The following SLC38A6 variants were observed in gnomAD, a reference collection of about 807,000 sequenced individuals.
SLC38A6 encodes solute carrier family 38 member 6.
Under a neutral mutation model 65.0 loss-of-function variants are expected in SLC38A6, and 73 were observed. The ratio of observed to expected loss-of-function variants is 1.12; its 90% CI spans 0.93 to 1.37. SLC38A6 has a LOEUF of 1.37. SLC38A6 is among the 40% of genes most tolerant of loss of function. SLC38A6 has a pLI of 0.00. For synonymous variants in SLC38A6, 183 were observed against 178.8 expected (o/e 1.02, Z -0.19); for missense variants, 561 against 531.1 (o/e 1.06, Z -0.55).
chr14:61,068,703 C>T lies in SLC38A6; in HGVS notation c.1291-10107C>T, dbSNP rs577451539. 1.8e-4 allele frequency among the ~76,000 whole-genome samples: 27 copies of T among 152,176 alleles called. 1 individual carries two copies. Among genetic ancestry groups the T allele is most frequent in the Non-Finnish European group, 3.1e-4 (21 of 68,030 alleles). ...TTTAACTTTACCCTGTTATACAGGTCACTGCTGGAAATCTTGTTTATGTGT... is the reference window on the plus strand; with the variant it reads ...TTTAACTTTACCCTGTTATACAGGTTACTGCTGGAAATCTTGTTTATGTGT... On this transcript the variant is annotated intron_variant, in intron 15 of 16. Coordinates refer to the SLC38A6 transcript ENST00000354886.
chr14:61,029,201 G>A (rs1215574497), intron 5 of SLC38A6, among the ~76,000 whole-genome samples: 2 of 149,490 alleles, frequency 1.3e-5, no homozygotes, highest in African/African-American at 5.0e-5. Flanking sequence ...TTTCACCCAG[G>A]CTGAAGTGCA....
Position 61,030,477 on chromosome 14 carries a change from G to C in SLC38A6, c.436G>C (p.Glu146Gln). The C allele has an allele frequency of 6.2e-7, 1 of 1,611,026 alleles. No individual in the cohort carries two copies. The highest frequency in any genetic ancestry group is 1.1e-5 in the South Asian group (1 of 90,448). The change falls in exon 6 of 16, where the codon GAG becomes CAG. Residue 146 changes from glutamate to glutamine, a missense_variant. Glu to Gln is a conservative substitution (Grantham distance 29). Coordinates refer to ENST00000267488, the MANE Select transcript of SLC38A6 (RefSeq NM_153811.3). The part of the protein sequence containing the change: ...MSSYLLIIKT[E>Q]LPAAIAEFLT... ...ATCTTATCTTTTAATTATTAAAACA[G>C]AGCTTCCTGCTGCTATTGCAGAATT... is the stretch of plus-strand genomic sequence containing the variant.
chr14:61,073,018 C>T (rs1330106014), intron 15 of SLC38A6, among the ~76,000 whole-genome samples: 1 of 152,136 alleles, frequency 6.6e-6, no homozygotes, highest in Non-Finnish European at 1.5e-5. Context: ...GGTCCCCTTT[C>T]CCCTTTTCTC....
intron 15 of SLC38A6, among the ~76,000 whole-genome samples, chr14:61,057,975 A>G (rs2042763184): frequency 7.4e-6 from 1 of 135,864 alleles, no homozygotes; most frequent in Non-Finnish European, 1.6e-5. Flanking sequence ...TATCCCCTTT[A>G]TCATTTTTTA....
At chr14:61,076,083 G>A (rs908855467) in intron 15 of SLC38A6, among the ~76,000 whole-genome samples, 7 of 151,782 alleles carry the variant, frequency 4.6e-5, no homozygotes, top group African/African-American at 1.7e-4. Flanking sequence ...TTGAACTCCC[G>A]ACCTCAGGTG....
At chr14:61,079,340 T>C (rs1257923449) in intron 16 of SLC38A6, among the ~76,000 whole-genome samples, 1 of 151,926 alleles carries the variant, frequency 6.6e-6, no homozygotes, top group Admixed American at 6.6e-5. Flanking sequence ...TTTCACCATG[T>C]TGGTCAGGCT....
At chr14:61,017,553 A>G (rs1171674684) in intron 4 of SLC38A6, among the ~76,000 whole-genome samples, 2 of 152,214 alleles carry the variant, frequency 1.3e-5, no homozygotes, top group East Asian at 3.8e-4. Context: ...TAGTTTAAAC[A>G]AAGAAGAAAA....
At chr14:61,047,881 A>T (rs1465917434) in intron 12 of SLC38A6, among the ~76,000 whole-genome samples, 1 of 152,062 alleles carries the variant, frequency 6.6e-6, no homozygotes, top group Admixed American at 6.6e-5. Flanking sequence ...AGAAAATCAC[A>T]TGGTAGGTAG....
At chr14:60,992,039 G>A (rs2037933485) in intron 3 of SLC38A6, among the ~76,000 whole-genome samples, 1 of 152,170 alleles carries the variant, frequency 6.6e-6, no homozygotes, top group African/African-American at 2.4e-5. Context: ...AAAAGTCAGG[G>A]TTCTGTTACT....
At chr14:60,985,792 T>A (rs2037410110) in intron 3 of SLC38A6, among the ~76,000 whole-genome samples, 1 of 152,162 alleles carries the variant, frequency 6.6e-6, no homozygotes, top group Non-Finnish European at 1.5e-5. Flanking sequence ...TATGAGGGGC[T>A]TTTCTGCTCC....
chr14:61,004,249 A>C (rs1191229356), intron 3 of SLC38A6, among the ~76,000 whole-genome samples: 1 of 152,172 alleles, frequency 6.6e-6, no homozygotes, highest in Non-Finnish European at 1.5e-5. Context: ...TAAATATACT[A>C]TCTATACTTC....
In SLC38A6 at chr14:61,051,925, G is replaced by A. The variant is rs747065864; in HGVS notation, c.1189G>A (p.Val397Ile). 34 of 1,606,088 alleles carry A rather than the reference G, an allele frequency of 2.1e-5. No individual in the cohort carries two copies. In the Admixed American group the frequency reaches 5.7e-4, roughly 27 times the overall value. Reference sequence around the variant, plus strand: ...TCCTGACATTAGAAATGTATTTGGTGTAGTTGGTAAGTTTTCTGTTTCAAA... The same window carrying A: ...TCCTGACATTAGAAATGTATTTGGTATAGTTGGTAAGTTTTCTGTTTCAAA... ...YVPDIRNVFG[V>I]VGASTSTCLI... is the part of the protein sequence containing the mutation. The change falls in exon 14 of 16, where the codon GTA becomes ATA. Residue 397 changes from valine (V) to isoleucine (I), a missense_variant. Coordinates refer to ENST00000267488, the MANE Select transcript of SLC38A6 (RefSeq NM_153811.3).
chr14:61,045,481 G>A (rs2042082982), intron 11 of SLC38A6, 56 bp downstream of exon 11: 1 of 1,312,056 alleles, frequency 7.6e-7, no homozygotes, highest in Non-Finnish European at 1.1e-6. Context: ...TACCTCTAAG[G>A]CTTTCGGATT....
chr14:61,049,442 A>C (rs2042372052), intron 12 of SLC38A6, among the ~76,000 whole-genome samples: 1 of 152,182 alleles, frequency 6.6e-6, no homozygotes, highest in Admixed American at 6.6e-5. Context: ...TAATGTTCTC[A>C]GTAACCCTAT....
chr14:61,031,729 C>G (rs887790128), intron 6 of SLC38A6, among the ~76,000 whole-genome samples: 39 of 151,780 alleles, frequency 2.6e-4, no homozygotes, highest in Non-Finnish European at 4.7e-4. Context: ...ATTTTTGTAT[C>G]TGCTGTAAAA....
chr14:60,986,465 T>C (rs2037457290), intron 3 of SLC38A6, among the ~76,000 whole-genome samples: 1 of 152,214 alleles, frequency 6.6e-6, no homozygotes, highest in Non-Finnish European at 1.5e-5. Flanking sequence ...GGATTCATAG[T>C]TTATAGCCAC....
At chr14:61,011,682 A>C (rs1280224856) in intron 3 of SLC38A6, among the ~76,000 whole-genome samples, 5 of 152,212 alleles carry the variant, frequency 3.3e-5, no homozygotes, top group African/African-American at 1.2e-4. Flanking sequence ...GCTGGATTAC[A>C]TTTATTGATT....
At chr14:60,981,694 T>C in intron 1 of SLC38A6, 1 of 1,354,960 alleles carries the variant, frequency 7.4e-7, no homozygotes, top group Non-Finnish European at 9.7e-7. Context: ...TGCTGTTAGT[T>C]AGTATTTTTG....
At chr14:61,026,431 CAATACTGAAAAATGA>C (rs1225604539) in intron 5 of SLC38A6, among the ~76,000 whole-genome samples, 4 of 151,764 alleles carry the variant, frequency 2.6e-5, no homozygotes, top group African/African-American at 9.7e-5. Context: ...AAAGGAGCTC[CAATACTGAAAAATGA>C]AATACATTGA....
Sources: allele counts gnomAD v4.1 joint callset (sites outside exome capture counted in the v4.1 genomes callset), GRCh38; gene constraint gnomAD v4.1.1; transcripts MANE v1.5; gene names NCBI Gene and HGNC (gene_info 2026-07-23, HGNC 2026-07-21).